The following ADGRL2 variants were observed in gnomAD, a reference collection of about 807,000 sequenced individuals.
ADGRL2 encodes the protein adhesion G protein-coupled receptor L2.
ADGRL2 carries 44 observed loss-of-function variants against 157.4 expected under a neutral mutation model. The observed-to-expected ratio is 0.28, with a 90% confidence interval of 0.22 to 0.36. ADGRL2 has a LOEUF of 0.36. Among genes scored for constraint, ADGRL2 ranks in the 10% least tolerant of loss-of-function variants. The pLI, the probability that ADGRL2 is intolerant of heterozygous loss-of-function variation, is 1.00. For synonymous variants in ADGRL2, 585 were observed against 624.7 expected (o/e 0.94, Z 0.95); for missense variants, 1,510 against 1,768.9 (o/e 0.85, Z 2.63).
At chr1:81,590,251 A>C (rs1359309) in intron 3 of ADGRL2, among the ~76,000 whole-genome samples, 1 of 152,034 alleles carries the variant, frequency 6.6e-6, no homozygotes, top group African/African-American at 2.4e-5. Context: ...ATGACTTTCC[A>C]TTGAGACATC....
chr1:81,804,148 A>G (rs1277777638), intron 1 of ADGRL2, among the ~76,000 whole-genome samples: 1 of 152,156 alleles, frequency 6.6e-6, no homozygotes, highest in African/African-American at 2.4e-5. Flanking sequence ...TAAATTTTGT[A>G]TCTTCGTAAT....
chr1:81,943,103 T>C lies in ADGRL2; in HGVS notation c.544T>C (p.Tyr182His). ...DKIYFMPWTP[Y>H]RTDTLIEYAS... The stretch of plus-strand genomic sequence containing the variant: ...AATTTATTTCATGCCCTGGACTCCC[T>C]ATCGTACCGATACTTTAATAGAATA... The change falls in exon 6 of 24, where the codon TAT becomes CAT. Residue 182 changes from tyrosine (Y) to histidine (H), a missense_variant. Transcript: ENST00000686636. The surrounding 1 kb of genome is among the most constrained non-coding windows in gnomAD (Gnocchi z 5.6). 1 of 1,613,398 alleles carries C rather than the reference T, an allele frequency of 6.2e-7. No individual in the cohort carries two copies. Among genetic ancestry groups the C allele is most frequent in the East Asian group, 2.2e-5 (1 of 44,880 alleles).
chr1:81,701,020 T>C (rs767429999), intron 1 of ADGRL2, among the ~76,000 whole-genome samples: 16 of 152,168 alleles, frequency 1.1e-4, no homozygotes, highest in Non-Finnish European at 1.3e-4. Context: ...CATTAATACG[T>C]TGGGACTAAG....
At chr1:81,949,609 C>T (rs11802878) in intron 6 of ADGRL2, among the ~76,000 whole-genome samples, 6,323 of 152,208 alleles carry the variant, frequency 0.042, 374 homozygotes, top group African/African-American at 0.13. Flanking sequence ...AATAAAACAG[C>T]GCAAGCATGC....
At chr1:81,473,061 A>G (rs1348042594) in intron 2 of ADGRL2, among the ~76,000 whole-genome samples, 1 of 104,552 alleles carries the variant, frequency 9.6e-6, no homozygotes. Context: ...CAATGTAAGC[A>G]AATTAGAGAT....
intron 2 of ADGRL2, among the ~76,000 whole-genome samples, chr1:81,551,439 G>A (rs1299729206): frequency 1.3e-5 from 2 of 152,162 alleles, no homozygotes; most frequent in African/African-American, 2.4e-5. Flanking sequence ...AATGTTAGCT[G>A]TCAAGTGAAC....
intron 1 of ADGRL2, among the ~76,000 whole-genome samples, chr1:81,395,189 G>C (rs1166599782): frequency 6.6e-6 from 1 of 152,134 alleles, no homozygotes; most frequent in East Asian, 1.9e-4. Context: ...AGGATTACAG[G>C]TGTGATATTT....
chr1:81,420,452 A>C (rs2101536548), intron 1 of ADGRL2, among the ~76,000 whole-genome samples: 1 of 152,344 alleles, frequency 6.6e-6, no homozygotes, highest in South Asian at 2.1e-4. Context: ...AAATTATAAG[A>C]AAATAAGTTT....
At chr1:81,761,245 A>T (rs2085871392) in intron 1 of ADGRL2, among the ~76,000 whole-genome samples, 1 of 151,880 alleles carries the variant, frequency 6.6e-6, no homozygotes, top group Non-Finnish European at 1.5e-5. Flanking sequence ...ACTAGAAAAA[A>T]TTTCTAAAGG....
intron 2 of ADGRL2, among the ~76,000 whole-genome samples, chr1:81,839,914 CATAT>C (rs1050877293): frequency 7.9e-6 from 1 of 126,342 alleles, no homozygotes; most frequent in Non-Finnish European, 1.6e-5. Context: ...TATTTTCCAT[CATAT>C]ATATATGATG....
chr1:81,438,917 G>T (rs1482084515), intron 1 of ADGRL2, among the ~76,000 whole-genome samples: 3 of 151,964 alleles, frequency 2.0e-5, no homozygotes, highest in Non-Finnish European at 4.4e-5. Flanking sequence ...CTGCCTAAGG[G>T]CCCTCAAATC....
rs527313525 is a variant in ADGRL2 at position 81,982,744 on chromosome 1, A to C, written c.3282+768A>C. 2.6e-5 allele frequency among the ~76,000 whole-genome samples: 4 copies of C among 152,134 alleles called. No homozygotes were observed. The South Asian group carries it at 8.3e-4, about 31-fold the overall frequency. On this transcript the variant is annotated intron_variant, in intron 19 of 23. Transcript: ENST00000686636. ...AGACGATAGTGTTGTTACTTCCATC[A>C]GTTTTGAATAAGCTATAATTTTGAG...
chr1:81,925,471 A>G lies in ADGRL2; in HGVS notation c.288-11257A>G, dbSNP rs569424083. On this transcript the variant is annotated intron_variant, in intron 3 of 23. Coordinates refer to ENST00000686636, the MANE Select transcript of ADGRL2 (RefSeq NM_001366006.2). Reference sequence around the variant, plus strand: ...ATTTGACTGAAAATTAAGTTTAGTGAAGAAATACAGTATGTGAACATGAAA... The same window carrying G: ...ATTTGACTGAAAATTAAGTTTAGTGGAGAAATACAGTATGTGAACATGAAA... Among the ~76,000 whole-genome samples the G allele has an allele frequency of 2.6e-5, 4 of 151,986 alleles. No individual in the cohort carries two copies. In the South Asian group the frequency reaches 6.2e-4, roughly 24 times the overall value.
At chr1:81,681,454 G>C (rs1271057623) in intron 3 of ADGRL2, among the ~76,000 whole-genome samples, 1 of 152,170 alleles carries the variant, frequency 6.6e-6, no homozygotes, top group Non-Finnish European at 1.5e-5. Flanking sequence ...CAATATGTGT[G>C]GATAAAGTCC....
intron 1 of ADGRL2, among the ~76,000 whole-genome samples, chr1:81,312,764 G>A (rs1018148558): frequency 1.3e-5 from 2 of 152,224 alleles, no homozygotes; most frequent in African/African-American, 4.8e-5. Context: ...ACAGGTGACT[G>A]TGGATATGTA....
chr1:81,423,480 G>A (rs556591779), intron 1 of ADGRL2, among the ~76,000 whole-genome samples: 1 of 152,270 alleles, frequency 6.6e-6, no homozygotes, highest in African/African-American at 2.4e-5. Flanking sequence ...GTTAAGTGAG[G>A]CCCTAAAACT....
intron 3 of ADGRL2, among the ~76,000 whole-genome samples, chr1:81,674,878 G>A (rs556443434): frequency 6.6e-6 from 1 of 152,080 alleles, no homozygotes; most frequent in Non-Finnish European, 1.5e-5. Flanking sequence ...ATCTTCCACT[G>A]TATATAGAAG....
intron 22 of ADGRL2, chr1:81,987,328 T>C: frequency 6.4e-7 from 1 of 1,573,882 alleles, no homozygotes; most frequent in Non-Finnish European, 8.7e-7. Flanking sequence ...CTTCAAGATT[T>C]ATATCATTTA....
At chr1:81,360,641 A>C (rs2075961560) in intron 1 of ADGRL2, among the ~76,000 whole-genome samples, 1 of 151,938 alleles carries the variant, frequency 6.6e-6, no homozygotes, top group African/African-American at 2.4e-5. Flanking sequence ...GAGAACAGGC[A>C]TCATAGCCAC....
Sources: gnomAD v4.1 joint callset for allele counts (sites outside exome capture counted in the v4.1 genomes callset) on GRCh38, gnomAD v4.1.1 for gene constraint, Gnocchi (gnomAD v3.1) non-coding constraint, MANE v1.5 for transcripts, NCBI Gene and HGNC (gene_info 2026-07-23, HGNC 2026-07-21) for gene names.